MED12L: variants seen among roughly 807,000 people sequenced by gnomAD.
MED12L encodes mediator of RNA polymerase II transcription subunit 12-like protein.
MED12L carries 60 observed loss-of-function variants against 281.3 expected under a neutral mutation model. That is an observed-to-expected ratio of 0.21 (90% CI 0.17 to 0.26). The LOEUF is 0.26. Among genes scored for constraint, MED12L ranks in the 10% least tolerant of loss-of-function variants. The probability of loss-of-function intolerance (pLI) is 1.00; values close to 1 mark genes in which losing one functional copy is unlikely to be tolerated. For synonymous variants in MED12L, 974 were observed against 987.2 expected (o/e 0.99, Z 0.25); for missense variants, 2,146 against 2,680.9 (o/e 0.80, Z 4.41).
intron 16 of MED12L, among the ~76,000 whole-genome samples, chr3:151,336,228 A>ATAC (rs1750968256): frequency 1.3e-5 from 2 of 152,222 alleles, no homozygotes; most frequent in South Asian, 4.1e-4. Context: ...ACATAGCAGA[A>ATAC]ATTATTACTG....
chr3:151,109,697 A>G (rs929278151), intron 2 of MED12L, among the ~76,000 whole-genome samples: 11 of 152,140 alleles, frequency 7.2e-5, no homozygotes, highest in African/African-American at 1.9e-4. Flanking sequence ...GTGTACAACT[A>G]TTTTGCCCTA....
rs765725368 is a variant in MED12L, at chr3:151,382,627, T to G, written c.4591-29T>G. 4 of 1,552,090 alleles carry G rather than the reference T, an allele frequency of 2.6e-6. No homozygotes were observed. In the Admixed American group the frequency reaches 7.1e-5, roughly 27 times the overall value. On this transcript the variant is annotated intron_variant, in intron 32 of 44. Transcript: ENST00000687756. Reference sequence around the variant, plus strand: ...CTTTAAATGAGAGAAAAATTAAACTTTAATGGGGAGTTTTTTTCCGGATCT... The same window carrying G: ...CTTTAAATGAGAGAAAAATTAAACTGTAATGGGGAGTTTTTTTCCGGATCT...
At chr3:151,258,050 G>GT (rs1738153900) in intron 16 of MED12L, among the ~76,000 whole-genome samples, 2 of 152,162 alleles carry the variant, frequency 1.3e-5, no homozygotes. Context: ...TTCCTGATTA[G>GT]TAAAGGTGCA....
intron 3 of MED12L, among the ~76,000 whole-genome samples, chr3:151,122,361 AT>A (rs1713882612): frequency 6.6e-6 from 1 of 152,228 alleles, no homozygotes; most frequent in Admixed American, 6.5e-5. Context: ...TGCTATTAAG[AT>A]GAAACAAGAA....
chr3:151,109,463 C>T (rs1711536560), intron 2 of MED12L, among the ~76,000 whole-genome samples: 1 of 152,156 alleles, frequency 6.6e-6, no homozygotes, highest in South Asian at 2.1e-4. Flanking sequence ...GTGCCTGTCT[C>T]CCTCGAATTG....
chr3:151,210,832 A>G (rs1168018239), intron 16 of MED12L, among the ~76,000 whole-genome samples: 4 of 152,144 alleles, frequency 2.6e-5, no homozygotes, highest in African/African-American at 9.7e-5. Context: ...CTTGGCAGAG[A>G]CTCTGAGGCA....
At chr3:151,285,003 G>A (rs1743282789) in intron 16 of MED12L, among the ~76,000 whole-genome samples, 1 of 152,152 alleles carries the variant, frequency 6.6e-6, no homozygotes, top group African/African-American at 2.4e-5. Flanking sequence ...TGGTGCTGTG[G>A]TCTGAATGTT....
chr3:151,324,734 C>G (rs1053401992), intron 16 of MED12L, among the ~76,000 whole-genome samples: 1 of 152,190 alleles, frequency 6.6e-6, no homozygotes, highest in Admixed American at 6.5e-5. Flanking sequence ...GAGAATCTCT[C>G]CAGCCGATTC....
At chr3:151,159,802 A>AC in intron 7 of MED12L, 30 bp from the exon 8 acceptor site, 1 of 1,593,016 alleles carries the variant, frequency 6.3e-7, no homozygotes, top group Non-Finnish European at 8.6e-7. Flanking sequence ...ATAAGACATG[A>AC]CTGAAGTCTG....
At chr3:151,351,870 A>G (rs960115982) in intron 17 of MED12L, among the ~76,000 whole-genome samples, 4 of 152,172 alleles carry the variant, frequency 2.6e-5, no homozygotes, top group Admixed American at 2.6e-4. Context: ...ATGCCACACT[A>G]TAGTTTGTCC....
intron 16 of MED12L, among the ~76,000 whole-genome samples, chr3:151,318,539 G>A (rs1159690051): frequency 6.6e-6 from 1 of 152,078 alleles, no homozygotes; most frequent in East Asian, 1.9e-4. Flanking sequence ...ACAACTAACT[G>A]TTAAGTACTA....
intron 16 of MED12L, among the ~76,000 whole-genome samples, chr3:151,291,826 A>G (rs1203393023): frequency 6.6e-6 from 1 of 152,198 alleles, no homozygotes; most frequent in African/African-American, 2.4e-5. Flanking sequence ...TATGAAATAT[A>G]AGCAGTTTGA....
intron 2 of MED12L, among the ~76,000 whole-genome samples, chr3:151,090,432 A>G (rs1402774670): frequency 6.6e-6 from 1 of 152,116 alleles, no homozygotes. Flanking sequence ...ACTTATTTGC[A>G]TCTTGCCATC....
chr3:151,368,976 T>G (rs189760746), intron 25 of MED12L, among the ~76,000 whole-genome samples: 21 of 152,174 alleles, frequency 1.4e-4, no homozygotes, highest in African/African-American at 4.3e-4. Flanking sequence ...TTGGCCAGAC[T>G]GGTCTTGAAC....
At chr3:151,286,687 A>C (rs551340712) in intron 16 of MED12L, among the ~76,000 whole-genome samples, 1 of 152,270 alleles carries the variant, frequency 6.6e-6, no homozygotes, top group South Asian at 2.1e-4. Flanking sequence ...TAACATAGAC[A>C]TATTTTCCTA....
intron 16 of MED12L, among the ~76,000 whole-genome samples, chr3:151,284,530 G>A (rs77710262): frequency 7.9e-4 from 121 of 152,266 alleles, no homozygotes; most frequent in Non-Finnish European, 1.4e-3. Flanking sequence ...GTTATTCTTA[G>A]GCTATTATGT....
At chr3:151,121,662 G>C (rs1284490769) in intron 3 of MED12L, among the ~76,000 whole-genome samples, 1 of 152,154 alleles carries the variant, frequency 6.6e-6, no homozygotes, top group East Asian at 1.9e-4. Flanking sequence ...GCTTTGATAG[G>C]ATTCTTGAAA....
chr3:151,089,904 C>T (rs557518825), intron 2 of MED12L, among the ~76,000 whole-genome samples: 3 of 152,322 alleles, frequency 2.0e-5, no homozygotes, highest in East Asian at 3.9e-4. Flanking sequence ...CATCCATCAG[C>T]GTCTCTACAT....
intron 16 of MED12L, among the ~76,000 whole-genome samples, chr3:151,274,339 A>G (rs1741495281): frequency 6.6e-6 from 1 of 152,194 alleles, no homozygotes; most frequent in South Asian, 2.1e-4. Context: ...GATAACAGGG[A>G]CAGCTGGTCT....
Sources: allele counts gnomAD v4.1 joint callset (sites outside exome capture counted in the v4.1 genomes callset), GRCh38; gene constraint gnomAD v4.1.1; transcripts MANE v1.5; gene names NCBI Gene and HGNC (gene_info 2026-07-23, HGNC 2026-07-21).